NECTIN1: variants seen among roughly 807,000 people sequenced by gnomAD.
The protein encoded by NECTIN1 is nectin cell adhesion molecule 1.
In NECTIN1, 23 loss-of-function variants were observed where a neutral mutation model predicts 48.0. The ratio of observed to expected loss-of-function variants is 0.48; its 90% confidence interval spans 0.34 to 0.68. The LOEUF (loss-of-function observed/expected upper bound fraction) is 0.68. Ranked by LOEUF, NECTIN1 falls within the 30% of genes least tolerant of loss-of-function variation. The probability of loss-of-function intolerance (pLI) is 0.01; values close to 1 mark genes in which losing one functional copy is unlikely to be tolerated. For missense variants in NECTIN1, 591 were observed against 709.9 expected, an observed-to-expected ratio of 0.83 and a Z score of 1.90; for synonymous variants, 270 against 288.9, an observed-to-expected ratio of 0.93 and a Z score of 0.66.
intron 6 of NECTIN1, chr11:119,639,722 G>A: frequency 6.5e-6 from 7 of 1,082,700 alleles, no homozygotes; most frequent in Non-Finnish European, 9.5e-6. Flanking sequence ...CCTGCCAAAG[G>A]GTTAGTTCCT....
At position 119,677,521 on chromosome 11, in the gene NECTIN1, C is replaced by A; in HGVS notation, c.733+34G>T. On this transcript the variant is annotated intron_variant, in intron 3 of 5. Coordinates refer to ENST00000264025, the MANE Select transcript of NECTIN1 (RefSeq NM_002855.5). The surrounding 1 kb of genome is among the most constrained non-coding windows in gnomAD (Gnocchi z 5.4). ...GAGGGAGGAGGGACAGTGGCGCCCA[C>A]CCCAGGAGGCCCCTGGCAGCCAGCC... The A allele has an allele frequency of 6.2e-7, 1 of 1,610,560 alleles. No homozygotes were observed. Among genetic ancestry groups the A allele is most frequent in the Non-Finnish European group, 8.5e-7 (1 of 1,178,474 alleles).
chr11:119,686,962 C>G (rs998343796), intron 1 of NECTIN1, among the ~76,000 whole-genome samples: 4 of 152,194 alleles, frequency 2.6e-5, no homozygotes, highest in African/African-American at 9.7e-5. Context: ...CTGTGAGCAG[C>G]TGGGGGCCTG....
intron 5 of NECTIN1, among the ~76,000 whole-genome samples, chr11:119,650,436 C>A (rs1214597271): frequency 2.0e-5 from 3 of 152,198 alleles, no homozygotes; most frequent in Non-Finnish European, 4.4e-5. Flanking sequence ...TCTGATGACG[C>A]CATTTGATAC....
At chr11:119,692,004 G>A (rs1203555167) in intron 1 of NECTIN1, among the ~76,000 whole-genome samples, 1 of 152,200 alleles carries the variant, frequency 6.6e-6, no homozygotes, top group African/African-American at 2.4e-5. Context: ...GGCCTGAGAG[G>A]GAGAAGGTAG....
intron 5 of NECTIN1, among the ~76,000 whole-genome samples, chr11:119,651,403 C>T (rs531586417): frequency 8.6e-4 from 131 of 152,240 alleles, no homozygotes; most frequent in Non-Finnish European, 7.5e-4. Flanking sequence ...GGAGGAAATC[C>T]TGGAGACGGA....
Position 119,665,577 on chromosome 11 carries a change from T to G in NECTIN1, c.1004-280A>C, listed in dbSNP as rs1393213358. On this transcript the variant is annotated intron_variant, in intron 5 of 5. Transcript: ENST00000264025. The surrounding 1 kb of genome is among the most constrained non-coding windows in gnomAD (Gnocchi z 5.1). ...ATCCCCACTGTCCTTGGTGTGGTGC[T>G]GGCCCAGCTCAATCCCTATTCATGG... Among the ~76,000 whole-genome samples the G allele has an allele frequency of 6.6e-6, 1 of 152,132 alleles. No individual in the cohort carries two copies. Among genetic ancestry groups the G allele is most frequent in the East Asian group, 1.9e-4 (1 of 5,164 alleles).
chr11:119,688,404 AG>A (rs1865195754), intron 1 of NECTIN1, among the ~76,000 whole-genome samples: 3 of 150,980 alleles, frequency 2.0e-5, no homozygotes, highest in Non-Finnish European at 4.4e-5. Flanking sequence ...CTACTCCCCC[AG>A]GGCACGAATG....
At position 119,663,356 on chromosome 11, in the gene NECTIN1, G is replaced by A. The variant is rs73573188; in HGVS notation, c.*1391C>T. ...TATACATGGGAAGACCCAGTCTGGG[G>A]TGGCTGATAGGAACTCAATGTCCCA... On this transcript the variant is annotated 3_prime_UTR_variant, in exon 6 of 6. Transcript: ENST00000264025. 12,099 of 985,390 alleles carry A rather than the reference G, an allele frequency of 0.012. 1,101 individuals carry two copies. The African/African-American group carries it at 0.19, about 15-fold the overall frequency. The allele number at this position is 985,390 out of a possible 1,614,324, so 61.0% of individuals were successfully genotyped here.
At chr11:119,652,163 G>A (rs1488502085) in intron 5 of NECTIN1, among the ~76,000 whole-genome samples, 8 of 152,050 alleles carry the variant, frequency 5.3e-5, no homozygotes, top group Non-Finnish European at 1.0e-4. Context: ...TGTCATTAAC[G>A]CCCCAGGAAA....
At chr11:119,697,661 G>A (rs1423548777) in intron 1 of NECTIN1, among the ~76,000 whole-genome samples, 1 of 152,216 alleles carries the variant, frequency 6.6e-6, no homozygotes, top group Non-Finnish European at 1.5e-5. Context: ...GAGGCCCAGT[G>A]GTTGAGAAAT....
Position 119,643,738 on chromosome 11 carries a change from T to C in NECTIN1, c.1004-3726A>G, listed in dbSNP as rs11217368. Among the ~76,000 whole-genome samples the C allele has an allele frequency of 4.5e-3, 688 of 152,124 alleles. 9 individuals are homozygous for C. The highest frequency in any genetic ancestry group is 0.033 in the East Asian group (171 of 5,142). The stretch of plus-strand genomic sequence containing the variant: ...CACCGTGACAAATTGGTTCCCCCGC[T>C]CCCAGCTCCGCAGGCTTGAGGGCAG... On this transcript the variant is annotated intron_variant, in intron 5 of 7. Transcript: ENST00000341398.
intron 5 of NECTIN1, among the ~76,000 whole-genome samples, chr11:119,670,644 C>CTTTTTTTT (rs56350355): frequency 2.6e-5 from 3 of 113,892 alleles, no homozygotes; most frequent in African/African-American, 3.4e-5. Flanking sequence ...TTCCTAAGTC[C>CTTTTTTTT]TTTTTTTTTT....
chr11:119,687,357 T>G (rs1865175181), intron 1 of NECTIN1: 1 of 152,252 alleles, frequency 6.6e-6, no homozygotes, highest in Admixed American at 6.5e-5. Context: ...GCCTTGTTTG[T>G]GTCTGCACTC....
intron 1 of NECTIN1, among the ~76,000 whole-genome samples, chr11:119,698,367 G>A (rs1468035719): frequency 1.3e-5 from 2 of 152,190 alleles, no homozygotes; most frequent in African/African-American, 4.8e-5. Flanking sequence ...TTCTTTCACG[G>A]TCTTCAGCAT....
At chr11:119,717,434 C>T (rs1234009799) in intron 1 of NECTIN1, among the ~76,000 whole-genome samples, 1 of 152,148 alleles carries the variant, frequency 6.6e-6, no homozygotes, top group Admixed American at 6.5e-5. Context: ...AACGGCAGGG[C>T]TGGCCACCCT....
Position 119,665,877 on chromosome 11 carries a change from G to C in NECTIN1, c.1004-580C>G, listed in dbSNP as rs946432214. The stretch of plus-strand genomic sequence containing the variant: ...CTATCAACTTGGCTTCCAAGACCCA[G>C]AACCAGGAGCCACCTAGGTGTTCTG... On this transcript the variant is annotated intron_variant, in intron 5 of 5. Coordinates refer to ENST00000264025, the MANE Select transcript of NECTIN1 (RefSeq NM_002855.5). This position sits in a 1 kb window ranked among gnomAD's most constrained non-coding sequence, Gnocchi z 5.1. 1.3e-5 allele frequency among the ~76,000 whole-genome samples: 2 copies of C among 152,210 alleles called. No individual in the cohort carries two copies. Among genetic ancestry groups the C allele is most frequent in the Non-Finnish European group, 2.9e-5 (2 of 68,040 alleles).
chr11:119,715,010 C>T (rs1237932956), intron 1 of NECTIN1, among the ~76,000 whole-genome samples: 1 of 152,120 alleles, frequency 6.6e-6, no homozygotes, highest in Non-Finnish European at 1.5e-5. Flanking sequence ...ACATGAGCTC[C>T]ATGCGATTCC....
intron 5 of NECTIN1, among the ~76,000 whole-genome samples, chr11:119,645,115 T>A (rs2135526377): frequency 6.6e-6 from 1 of 152,238 alleles, no homozygotes; most frequent in Admixed American, 6.5e-5. Context: ...CACAGGTGTT[T>A]GCGGGGAGCC....
chr11:119,667,714 C>T (rs534202508), intron 5 of NECTIN1, among the ~76,000 whole-genome samples: 9 of 152,322 alleles, frequency 5.9e-5, no homozygotes, highest in African/African-American at 1.2e-4. Flanking sequence ...CCAGCTGTCT[C>T]GCTGGACGCT....
Sources: allele counts gnomAD v4.1 joint callset (sites outside exome capture counted in the v4.1 genomes callset), GRCh38; gene constraint gnomAD v4.1.1; non-coding constraint Gnocchi (gnomAD v3.1); transcripts MANE v1.5; gene names NCBI Gene and HGNC (gene_info 2026-07-23, HGNC 2026-07-21).